CLASP1: variants seen among roughly 807,000 people sequenced by gnomAD.
CLASP1 encodes the protein cytoplasmic linker associated protein 1.
CLASP1 carries 38 observed loss-of-function variants against 192.3 expected under a neutral mutation model. That is an observed-to-expected ratio of 0.20 (90% CI 0.15 to 0.26). The LOEUF is 0.26. CLASP1 is among the 10% of genes least tolerant of loss of function. CLASP1 has a pLI of 1.00. For synonymous variants in CLASP1, 691 were observed against 712.8 expected (o/e 0.97, Z 0.49); for missense variants, 1,433 against 1,932.5 (o/e 0.74, Z 4.85).
intron 9 of CLASP1, among the ~76,000 whole-genome samples, chr2:121,467,275 T>C (rs2089788008): frequency 6.6e-6 from 1 of 152,228 alleles, no homozygotes; most frequent in Non-Finnish European, 1.5e-5. Context: ...AACATATGCA[T>C]ACATGTATCT....
At chr2:121,471,686 G>C (rs2090764214) in intron 8 of CLASP1, among the ~76,000 whole-genome samples, 1 of 152,068 alleles carries the variant, frequency 6.6e-6, no homozygotes, top group African/African-American at 2.4e-5. Context: ...AGGGGGAGGA[G>C]GAAAGACATC....
chr2:121,381,280 T>C (rs560055125), intron 33 of CLASP1, among the ~76,000 whole-genome samples: 181 of 152,282 alleles, frequency 1.2e-3, no homozygotes, highest in South Asian at 2.3e-3. Context: ...AAGCTATCTA[T>C]GAAGTATTTC....
chr2:121,530,663 C>A, intron 2 of CLASP1: 2 of 509,872 alleles, frequency 3.9e-6, no homozygotes, highest in Non-Finnish European at 7.0e-6. Context: ...TGCAAATTTT[C>A]GAGCGGCCGA....
intron 30 of CLASP1, among the ~76,000 whole-genome samples, chr2:121,391,720 T>C (rs1221651624): frequency 2.0e-5 from 3 of 151,988 alleles, no homozygotes; most frequent in Admixed American, 6.5e-5. Flanking sequence ...CTGGCCAACA[T>C]GGTGAAACTC....
intron 2 of CLASP1, chr2:121,530,984 T>TA (rs1559535012): frequency 2.9e-6 from 2 of 700,432 alleles, no homozygotes; most frequent in African/African-American, 1.7e-5. Context: ...GCTTTTGCTT[T>TA]ATTTTGGTGC....
At chr2:121,365,390 G>A in intron 35 of CLASP1, 106 bp from the exon 37 acceptor site, 1 of 1,087,058 alleles carries the variant, frequency 9.2e-7, no homozygotes, top group Non-Finnish European at 1.3e-6. Flanking sequence ...CTCTCCCAGA[G>A]GCGATGCCTC....
At chr2:121,541,299 T>C (rs1212840824) in intron 2 of CLASP1, among the ~76,000 whole-genome samples, 1 of 152,210 alleles carries the variant, frequency 6.6e-6, no homozygotes, top group Non-Finnish European at 1.5e-5. Context: ...GTAAAAACAA[T>C]GTTCACATTC....
At chr2:121,608,987 T>C (rs891991914) in intron 1 of CLASP1, among the ~76,000 whole-genome samples, 4 of 152,230 alleles carry the variant, frequency 2.6e-5, no homozygotes, top group African/African-American at 7.2e-5. Flanking sequence ...AAAGTAGGTG[T>C]TAACGTCCTT....
chr2:121,408,938 A>T (rs1355525665), intron 24 of CLASP1: 3 of 1,057,822 alleles, frequency 2.8e-6, no homozygotes, highest in Non-Finnish European at 4.2e-6. Context: ...TCTATACTAC[A>T]TTTTTTGGTT....
intron 5 of CLASP1, among the ~76,000 whole-genome samples, chr2:121,526,492 G>C (rs536414828): frequency 8.5e-5 from 13 of 152,222 alleles, no homozygotes; most frequent in African/African-American, 3.1e-4. Flanking sequence ...AAAATCTCTT[G>C]GTTAATCTGC....
chr2:121,347,274 A>G, intron 38 of CLASP1, 120 bp from the exon 40 acceptor site: 1 of 664,150 alleles, frequency 1.5e-6, no homozygotes, highest in South Asian at 1.8e-5. Flanking sequence ...GTCAGTAACA[A>G]CCAGGATAGA....
intron 1 of CLASP1, among the ~76,000 whole-genome samples, chr2:121,636,089 A>C: frequency 6.6e-6 from 1 of 152,142 alleles, no homozygotes; most frequent in East Asian, 1.9e-4. Flanking sequence ...CTGTAATCCC[A>C]GCACTTTGGG....
At chr2:121,620,437 C>T (rs2067146260) in intron 1 of CLASP1, among the ~76,000 whole-genome samples, 1 of 151,890 alleles carries the variant, frequency 6.6e-6, no homozygotes, top group Admixed American at 6.6e-5. Context: ...GCAACCTCTG[C>T]CTCCGGGGTT....
intron 30 of CLASP1, among the ~76,000 whole-genome samples, chr2:121,389,827 A>G (rs1343751238): frequency 6.6e-6 from 1 of 152,212 alleles, no homozygotes; most frequent in Non-Finnish European, 1.5e-5. Flanking sequence ...ATAAGATCCA[A>G]GTTCTAGAAA....
At chr2:121,384,329 C>CA (rs1249216519) in intron 32 of CLASP1, among the ~76,000 whole-genome samples, 4 of 151,934 alleles carry the variant, frequency 2.6e-5, no homozygotes, top group African/African-American at 9.7e-5. Flanking sequence ...GCTGAGAACA[C>CA]AGGTATGTGC....
chr2:121,397,373 G>C, intron 29 of CLASP1, 90 bp from the exon 31 acceptor site: 1 of 1,089,074 alleles, frequency 9.2e-7, no homozygotes, highest in Non-Finnish European at 1.3e-6. Flanking sequence ...AGTAAACCCT[G>C]GTGAGGGGGA....
At chr2:121,635,222 G>A (rs2707642) in intron 1 of CLASP1, among the ~76,000 whole-genome samples, 16,723 of 144,740 alleles carry the variant, frequency 0.12, 1,504 homozygotes, top group African/African-American at 0.25. Context: ...AAAAAAAAAA[G>A]AAAAGAAAAG....
chr2:121,359,573 T>G (rs2065979308), intron 37 of CLASP1, among the ~76,000 whole-genome samples: 1 of 152,210 alleles, frequency 6.6e-6, no homozygotes, highest in South Asian at 2.1e-4. Flanking sequence ...CTCAAAATTT[T>G]AAAAGGTCAC....
intron 29 of CLASP1, 66 bp from the exon 31 acceptor site, chr2:121,397,349 G>A: frequency 2.1e-6 from 3 of 1,441,024 alleles, no homozygotes; most frequent in South Asian, 2.4e-5. Flanking sequence ...ATTCTTATCA[G>A]GTGGCCAGAG....
Sources: gnomAD v4.1 joint callset for allele counts (sites outside exome capture counted in the v4.1 genomes callset) on GRCh38, gnomAD v4.1.1 for gene constraint, MANE v1.5 for transcripts, NCBI Gene and HGNC (gene_info 2026-07-23, HGNC 2026-07-21) for gene names.